The following NLGN1 variants were observed in gnomAD, a reference collection of about 807,000 sequenced individuals.
NLGN1 encodes the protein neuroligin-1.
In NLGN1, 12 loss-of-function variants were observed where a neutral mutation model predicts 65.5. The ratio of observed to expected loss-of-function variants is 0.18; its 90% CI spans 0.12 to 0.30. The LOEUF (loss-of-function observed/expected upper bound fraction) is 0.30. Among genes scored for constraint, NLGN1 ranks in the 10% least tolerant of loss-of-function variants. The pLI is 1.00. For synonymous variants in NLGN1, 350 were observed against 359.5 expected (o/e 0.97, Z 0.30); for missense variants, 750 against 1,007.1 (o/e 0.74, Z 3.46).
At chr3:173,404,959 A>G (rs1718343198) in intron 1 of NLGN1, among the ~76,000 whole-genome samples, 1 of 152,136 alleles carries the variant, frequency 6.6e-6, no homozygotes, top group African/African-American at 2.4e-5. Flanking sequence ...TTATATTTTT[A>G]TAAAGGAGGA....
intron 3 of NLGN1, among the ~76,000 whole-genome samples, chr3:173,767,219 C>T (rs766429006): frequency 6.6e-6 from 1 of 152,010 alleles, no homozygotes; most frequent in African/African-American, 2.4e-5. Flanking sequence ...AAAATTGGTA[C>T]TGAAAACAAT....
chr3:173,685,584 G>C (rs1764564518), intron 3 of NLGN1: 1 of 915,688 alleles, frequency 1.1e-6, no homozygotes, highest in African/African-American at 1.8e-5. Flanking sequence ...AGGAAAAGAG[G>C]TTATTAAAGT....
At chr3:173,681,307 A>C (rs1168322013) in intron 3 of NLGN1, among the ~76,000 whole-genome samples, 2 of 152,230 alleles carry the variant, frequency 1.3e-5, no homozygotes, top group Admixed American at 6.5e-5. Context: ...AAAGAGGAAT[A>C]GAAGATTGAT....
chr3:173,800,530 A>T (rs1488552), intron 3 of NLGN1, among the ~76,000 whole-genome samples: 86 of 151,382 alleles, frequency 5.7e-4, no homozygotes, highest in Admixed American at 2.1e-3. Flanking sequence ...TTTTTTAAAA[A>T]ATTAATATTA....
chr3:173,547,079 T>G (rs1739988813), intron 2 of NLGN1, among the ~76,000 whole-genome samples: 1 of 152,196 alleles, frequency 6.6e-6, no homozygotes, highest in African/African-American at 2.4e-5. Flanking sequence ...TACTCCACTT[T>G]GGCATACTTG....
intron 3 of NLGN1, among the ~76,000 whole-genome samples, chr3:173,774,305 G>T (rs184133972): frequency 2.2e-4 from 34 of 152,288 alleles, no homozygotes; most frequent in African/African-American, 8.2e-4. Context: ...TATGTAAAAT[G>T]TAAGTGGGGG....
In NLGN1 at chr3:173,717,202, T is replaced by C. The variant is rs544257941; in HGVS notation, c.494-90478T>C. Among the ~76,000 whole-genome samples the C allele has an allele frequency of 3.3e-5, 5 of 152,286 alleles. No homozygotes were observed. In the East Asian group the frequency reaches 9.6e-4, roughly 29 times the overall value. On this transcript the variant is annotated intron_variant, in intron 3 of 6. Coordinates refer to ENST00000457714, the Ensembl canonical transcript of NLGN1. The stretch of plus-strand genomic sequence containing the variant: ...CAGTGGACTTTGAGAGTGAACTTTT[T>C]TGTCTTTAGTAAAAGTTGATGTGAT...
chr3:173,792,770 A>T (rs995577608), intron 3 of NLGN1, among the ~76,000 whole-genome samples: 1 of 152,186 alleles, frequency 6.6e-6, no homozygotes, highest in African/African-American at 2.4e-5. Context: ...ACTTTTAAGG[A>T]GAGTAGTGGA....
chr3:173,891,202 A>G (rs1735265322), intron 4 of NLGN1, among the ~76,000 whole-genome samples: 1 of 152,212 alleles, frequency 6.6e-6, no homozygotes, highest in South Asian at 2.1e-4. Context: ...CACAATGCTA[A>G]TATTGTGCAC....
intron 4 of NLGN1, among the ~76,000 whole-genome samples, chr3:174,029,902 C>T (rs1729606773): frequency 6.6e-6 from 1 of 152,116 alleles, no homozygotes; most frequent in African/African-American, 2.4e-5. Flanking sequence ...GATTGTTAGG[C>T]CTTTCCAGCC....
intron 2 of NLGN1, among the ~76,000 whole-genome samples, chr3:173,471,885 G>T (rs1053664050): frequency 2.0e-5 from 3 of 152,220 alleles, no homozygotes; most frequent in South Asian, 4.1e-4. Flanking sequence ...ATAGATTTAT[G>T]ATTGTGAACC....
At chr3:174,121,793 A>G (rs964383243) in intron 4 of NLGN1, among the ~76,000 whole-genome samples, 1 of 152,206 alleles carries the variant, frequency 6.6e-6, no homozygotes, top group Non-Finnish European at 1.5e-5. Context: ...TTTAACTTAC[A>G]TAGGATTTTA....
At chr3:173,965,302 A>T (rs79098022) in intron 4 of NLGN1, among the ~76,000 whole-genome samples, 12,305 of 151,838 alleles carry the variant, frequency 0.081, 553 homozygotes, top group Middle Eastern at 0.13. Flanking sequence ...TTCCCCTAGA[A>T]CATTTATTAT....
At chr3:173,997,363 A>G (rs931886636) in intron 4 of NLGN1, among the ~76,000 whole-genome samples, 5 of 152,118 alleles carry the variant, frequency 3.3e-5, no homozygotes, top group Non-Finnish European at 7.3e-5. Flanking sequence ...GATCCATATT[A>G]ATTGACTAGG....
intron 4 of NLGN1, among the ~76,000 whole-genome samples, chr3:173,959,349 A>G (rs558977510): frequency 4.6e-5 from 7 of 152,224 alleles, no homozygotes; most frequent in Non-Finnish European, 8.8e-5. Flanking sequence ...CATATTTATC[A>G]AACCAGAAGC....
intron 3 of NLGN1, among the ~76,000 whole-genome samples, chr3:173,653,583 A>G (rs1412223446): frequency 6.6e-6 from 1 of 152,212 alleles, no homozygotes; most frequent in Non-Finnish European, 1.5e-5. Context: ...GTTTAAGAAA[A>G]TGAAAACTTC....
rs759239103 is a variant in NLGN1 at position 173,925,852 on chromosome 3, C to G, written c.646+118020C>G. On this transcript the variant is annotated intron_variant, in intron 4 of 6. Coordinates refer to ENST00000457714, the Ensembl canonical transcript of NLGN1. ...ACCCAGATTAAGAAATAGAACATTA[C>G]AGTACCTTTAAAAAGTTGATTATTT... Among the ~76,000 whole-genome samples the G allele has an allele frequency of 3.9e-5, 6 of 152,000 alleles. 1 individual carries two copies. Among genetic ancestry groups the G allele is most frequent in the African/African-American group, 7.2e-5 (3 of 41,426 alleles).
At chr3:174,080,957 G>GTGTGTGTGTGTGTGTGTGTGTGTGTGTGT (rs1580188754) in intron 4 of NLGN1, among the ~76,000 whole-genome samples, 2 of 149,522 alleles carry the variant, frequency 1.3e-5, no homozygotes, top group African/African-American at 5.0e-5. Flanking sequence ...GTGTGTGTGT[G>GTGTGTGTGTGTGTGTGTGTGTGTGTGTGT]GTGATAGGGG....
chr3:173,540,534 C>T (rs1044317012), intron 2 of NLGN1, among the ~76,000 whole-genome samples: 1 of 152,146 alleles, frequency 6.6e-6, no homozygotes, highest in Admixed American at 6.5e-5. Context: ...GCTCTTAAAC[C>T]CTCCACCTGG....
Sources: allele counts gnomAD v4.1 joint callset (sites outside exome capture counted in the v4.1 genomes callset), GRCh38; gene constraint gnomAD v4.1.1; transcripts MANE v1.5; gene names NCBI Gene and HGNC (gene_info 2026-07-23, HGNC 2026-07-21).